The following ADK variants were observed in gnomAD, a reference collection of about 807,000 sequenced individuals.
ADK encodes N6,N6-dimethyladenosine kinase.
In ADK, 24 loss-of-function variants were observed where a neutral mutation model predicts 44.7. That is an observed-to-expected ratio of 0.54 (90% CI 0.39 to 0.76). The LOEUF (loss-of-function observed/expected upper bound fraction) is 0.76, where lower values mean the gene tolerates loss of function less well. ADK is among the 30% of genes least tolerant of loss of function. ADK has a pLI of 0.00. For missense variants in ADK, 321 were observed against 425.1 expected, an observed-to-expected ratio of 0.76 and a Z score of 2.15; for synonymous variants, 128 against 142.6, an observed-to-expected ratio of 0.90 and a Z score of 0.73.
chr10:74,516,160 T>C (rs1848564800), intron 6 of ADK, among the ~76,000 whole-genome samples: 1 of 152,284 alleles, frequency 6.6e-6, no homozygotes, highest in Non-Finnish European at 1.5e-5. Flanking sequence ...GTGAGGACTA[T>C]GGGATTCTTG....
intron 10 of ADK, among the ~76,000 whole-genome samples, chr10:74,692,447 C>T (rs79055509): frequency 1.3e-5 from 2 of 152,156 alleles, no homozygotes; most frequent in South Asian, 4.2e-4. Context: ...CCATTGCTCT[C>T]CAGCCTGGGC....
intron 7 of ADK, among the ~76,000 whole-genome samples, chr10:74,544,999 T>C (rs1028193828): frequency 1.3e-5 from 2 of 152,124 alleles, no homozygotes; most frequent in East Asian, 1.9e-4. Flanking sequence ...GTTTTTTTCA[T>C]GTTGATCACT....
At chr10:74,504,895 T>C (rs945898518) in intron 6 of ADK, among the ~76,000 whole-genome samples, 26 of 152,302 alleles carry the variant, frequency 1.7e-4, no homozygotes, top group African/African-American at 6.3e-4. Flanking sequence ...GTGAGTCAAT[T>C]AAACCTCTTT....
At chr10:74,610,002 T>A (rs576119739) in intron 9 of ADK, among the ~76,000 whole-genome samples, 1 of 152,158 alleles carries the variant, frequency 6.6e-6, no homozygotes, top group African/African-American at 2.4e-5. Context: ...TTCAAAAAAA[T>A]TTTCAAGGGA....
chr10:74,655,511 CT>C, intron 9 of ADK: 2 of 494,782 alleles, frequency 4.0e-6, no homozygotes, highest in South Asian at 1.6e-5. Context: ...CTCAGGGTGG[CT>C]TTTTAAGGAA....
chr10:74,470,040 T>TTC, intron 6 of ADK, among the ~76,000 whole-genome samples: 1 of 151,116 alleles, frequency 6.6e-6, no homozygotes, highest in Middle Eastern at 3.4e-3. Flanking sequence ...TTTTTTTTTT[T>TTC]TTGAGATGGA....
At chr10:74,624,483 T>A (rs1335593325) in intron 9 of ADK, among the ~76,000 whole-genome samples, 4 of 152,146 alleles carry the variant, frequency 2.6e-5, no homozygotes, top group Admixed American at 2.6e-4. Context: ...CTATTCAATT[T>A]ATTTATCATG....
chr10:74,642,243 G>A (rs1267057384), intron 9 of ADK, among the ~76,000 whole-genome samples: 1 of 151,704 alleles, frequency 6.6e-6, no homozygotes, highest in South Asian at 2.1e-4. Context: ...AATTTTCTGA[G>A]ATCATTTTAT....
At chr10:74,683,954 T>C (rs1281969815) in intron 10 of ADK, among the ~76,000 whole-genome samples, 1 of 152,214 alleles carries the variant, frequency 6.6e-6, no homozygotes, top group Non-Finnish European at 1.5e-5. Context: ...TTCAAGTAGC[T>C]GTTACAGAAC....
intron 1 of ADK, among the ~76,000 whole-genome samples, chr10:74,169,313 G>T (rs1267355006): frequency 2.0e-5 from 3 of 152,132 alleles, no homozygotes; most frequent in Non-Finnish European, 4.4e-5. Flanking sequence ...CTATATTTTT[G>T]TATTAAAATC....
chr10:74,355,007 G>A (rs1236664793), intron 4 of ADK, among the ~76,000 whole-genome samples: 1 of 152,122 alleles, frequency 6.6e-6, no homozygotes, highest in Non-Finnish European at 1.5e-5. Context: ...ACATTTGTCT[G>A]TACTGGGGTC....
chr10:74,493,787 A>G (rs1847580350), intron 6 of ADK, among the ~76,000 whole-genome samples: 1 of 152,194 alleles, frequency 6.6e-6, no homozygotes, highest in Non-Finnish European at 1.5e-5. Flanking sequence ...GGAAATGTTA[A>G]AAATATCAGG....
At chr10:74,571,236 G>A (rs1850944975) in intron 7 of ADK, among the ~76,000 whole-genome samples, 2 of 152,174 alleles carry the variant, frequency 1.3e-5, no homozygotes, top group Non-Finnish European at 2.9e-5. Flanking sequence ...CAAGGATATT[G>A]GTCTAAAATT....
intron 6 of ADK, among the ~76,000 whole-genome samples, chr10:74,416,654 A>T (rs1844386204): frequency 6.6e-6 from 1 of 151,698 alleles, no homozygotes; most frequent in Non-Finnish European, 1.5e-5. Context: ...GTCACTGCAA[A>T]CATCTAATTT....
chr10:74,546,860 C>T (rs1271290294), intron 7 of ADK, among the ~76,000 whole-genome samples: 3 of 151,824 alleles, frequency 2.0e-5, no homozygotes, highest in Non-Finnish European at 4.4e-5. Context: ...TACCTTTAAG[C>T]GATTTTTTAA....
Position 74,617,753 on chromosome 10 carries a change from G to A in ADK, c.877+17260G>A, listed in dbSNP as rs1005710142. Among the ~76,000 whole-genome samples the A allele has an allele frequency of 2.0e-5, 3 of 151,774 alleles. No individual in the cohort carries two copies. In the East Asian group the frequency reaches 5.8e-4, roughly 29 times the overall value. ...TAGGATTACAGGCACGTACCACCAC[G>A]CTAATTTTTTAAATTTTTTGAAGAG... is the stretch of plus-strand genomic sequence containing the variant. On this transcript the variant is annotated intron_variant, in intron 9 of 10. Transcript: ENST00000539909.
chr10:74,433,216 A>AT (rs1351380859), intron 6 of ADK, among the ~76,000 whole-genome samples: 11 of 152,194 alleles, frequency 7.2e-5, no homozygotes, highest in Non-Finnish European at 1.3e-4. Context: ...TACACACCAG[A>AT]TTTTAGAGTG....
At chr10:74,680,884 C>T (rs1318600794) in intron 10 of ADK, among the ~76,000 whole-genome samples, 1 of 152,124 alleles carries the variant, frequency 6.6e-6, no homozygotes, top group Non-Finnish European at 1.5e-5. Context: ...TTAACGTTGA[C>T]ATTTTATAGA....
At chr10:74,495,967 A>G (rs1054070483) in intron 6 of ADK, among the ~76,000 whole-genome samples, 3 of 152,062 alleles carry the variant, frequency 2.0e-5, no homozygotes, top group Non-Finnish European at 2.9e-5. Flanking sequence ...TTTTCTCCAT[A>G]TACTGTCTGA....
Sources: allele counts gnomAD v4.1 joint callset (sites outside exome capture counted in the v4.1 genomes callset), GRCh38; gene constraint gnomAD v4.1.1; transcripts MANE v1.5; gene names NCBI Gene and HGNC (gene_info 2026-07-23, HGNC 2026-07-21).